TRABD2B: variants seen among roughly 807,000 people sequenced by gnomAD.
TRABD2B encodes the protein metalloprotease TIKI2.
Under a neutral mutation model 40.1 loss-of-function variants are expected in TRABD2B, and 14 were observed. The ratio of observed to expected loss-of-function variants is 0.35; its 90% confidence interval spans 0.23 to 0.55. TRABD2B has a LOEUF of 0.55. Among genes scored for constraint, TRABD2B ranks in the 20% least tolerant of loss-of-function variants. The probability of loss-of-function intolerance (pLI) is 0.90; values close to 1 mark genes in which losing one functional copy is unlikely to be tolerated. For synonymous variants in TRABD2B, 263 were observed against 277.0 expected, an observed-to-expected ratio of 0.95 and a Z score of 0.50; for missense variants, 541 against 648.6, an observed-to-expected ratio of 0.83 and a Z score of 1.80.
At chr1:47,785,833 C>A (rs1301719957) in intron 4 of TRABD2B, among the ~76,000 whole-genome samples, 1 of 152,236 alleles carries the variant, frequency 6.6e-6, no homozygotes, top group Non-Finnish European at 1.5e-5. Flanking sequence ...CCCCAGGACT[C>A]CTGGGAGCTC....
At chr1:47,968,902 A>T (rs528338712) in intron 2 of TRABD2B, among the ~76,000 whole-genome samples, 1 of 152,206 alleles carries the variant, frequency 6.6e-6, no homozygotes, top group Non-Finnish European at 1.5e-5. Context: ...ACTCCCTGAC[A>T]GTAGAGTAGG....
intron 5 of TRABD2B, among the ~76,000 whole-genome samples, chr1:47,776,401 T>C (rs1349187738): frequency 6.6e-6 from 1 of 152,102 alleles, no homozygotes; most frequent in Non-Finnish European, 1.5e-5. Flanking sequence ...CTTCATGGGG[T>C]TGTCATGAGG....
intron 2 of TRABD2B, among the ~76,000 whole-genome samples, chr1:47,801,847 C>T (rs1644828461): frequency 6.6e-6 from 1 of 152,204 alleles, no homozygotes; most frequent in Non-Finnish European, 1.5e-5. Flanking sequence ...CCACACAGGT[C>T]CCCATTCCTG....
At chr1:47,821,469 T>C (rs1029050110) in intron 2 of TRABD2B, among the ~76,000 whole-genome samples, 3 of 152,194 alleles carry the variant, frequency 2.0e-5, no homozygotes, top group Non-Finnish European at 2.9e-5. Context: ...CAGAAATGAA[T>C]AGCCCCAAAT....
intron 2 of TRABD2B, among the ~76,000 whole-genome samples, chr1:47,837,972 G>A (rs1292727666): frequency 1.3e-5 from 2 of 152,214 alleles, no homozygotes; most frequent in Non-Finnish European, 1.5e-5. Context: ...GGGGATTCAA[G>A]TAATCTCAGG....
intron 2 of TRABD2B, among the ~76,000 whole-genome samples, chr1:47,810,056 A>G (rs2124339899): frequency 6.6e-6 from 1 of 152,312 alleles, no homozygotes; most frequent in Admixed American, 6.5e-5. Flanking sequence ...AAAGCTGACC[A>G]TAAAGAAACA....
chr1:47,941,455 T>C lies in TRABD2B; in HGVS notation c.666+52579A>G, dbSNP rs189191385. ...ACACATACTTGCACACACAAACACATAGATGTGTGCCCACTTACCCACAAA... is the reference window on the plus strand; with the variant it reads ...ACACATACTTGCACACACAAACACACAGATGTGTGCCCACTTACCCACAAA... On this transcript the variant is annotated intron_variant, in intron 2 of 6. Coordinates refer to ENST00000606738, the MANE Select transcript of TRABD2B (RefSeq NM_001194986.2). Among the ~76,000 whole-genome samples, 131 of 152,228 alleles carry C rather than the reference T, an allele frequency of 8.6e-4. 2 individuals are homozygous for C. Among genetic ancestry groups the C allele is most frequent in the African/African-American group, 2.4e-3 (98 of 41,516 alleles).
chr1:47,828,334 C>A (rs185645044), intron 2 of TRABD2B, among the ~76,000 whole-genome samples: 1 of 152,146 alleles, frequency 6.6e-6, no homozygotes, highest in African/African-American at 2.4e-5. Flanking sequence ...AAATCCCCCA[C>A]CAAGTCCCTG....
intron 2 of TRABD2B, among the ~76,000 whole-genome samples, chr1:47,881,006 C>T (rs1267499681): frequency 1.3e-5 from 2 of 152,160 alleles, no homozygotes; most frequent in African/African-American, 2.4e-5. Context: ...AATTCAGGCT[C>T]GAGCTTAGAT....
intron 2 of TRABD2B, among the ~76,000 whole-genome samples, chr1:47,916,286 T>G (rs1193179919): frequency 6.6e-6 from 1 of 152,154 alleles, no homozygotes; most frequent in Non-Finnish European, 1.5e-5. Flanking sequence ...GGTTCATCCA[T>G]TCATTCAACA....
In TRABD2B at chr1:47,838,012, T is replaced by C. The variant is rs115620391; in HGVS notation, c.667-36393A>G. On this transcript the variant is annotated intron_variant, in intron 2 of 6. Coordinates refer to ENST00000606738, the MANE Select transcript of TRABD2B (RefSeq NM_001194986.2). ...AGTCCAGCCCTTAACCAGAATCCCATGTAACCTTTCAAGGCTGGACACCTG... is the reference window on the plus strand; with the variant it reads ...AGTCCAGCCCTTAACCAGAATCCCACGTAACCTTTCAAGGCTGGACACCTG... 9.0e-3 allele frequency among the ~76,000 whole-genome samples: 1,373 copies of C among 152,320 alleles called. 9 individuals are homozygous for C. Among genetic ancestry groups the C allele is most frequent in the Non-Finnish European group, 0.015 (1,003 of 68,026 alleles).
Position 47,996,921 on chromosome 1 carries a change from G to T in TRABD2B, c.-132C>A. 8 of 1,123,048 alleles carry T rather than the reference G, an allele frequency of 7.1e-6. No individual in the cohort carries two copies. Among genetic ancestry groups the T allele is most frequent in the Non-Finnish European group, 8.7e-6 (8 of 919,258 alleles). 69.6% of individuals were successfully genotyped at this position (1,123,048 alleles called of 1,614,324 possible). A position where few individuals can be genotyped will look rare whatever the true frequency, so the allele number is the denominator to read the frequency against. On this transcript the variant is annotated 5_prime_UTR_variant, in exon 1 of 7. Transcript: ENST00000606738. This position sits in a 1 kb window ranked among gnomAD's most constrained non-coding sequence, Gnocchi z 4.6. Reference sequence around the variant, plus strand: ...GCCGCAGGATGCTGGGCGCCCTCTGGGGCGTGGCTGACTGTCCCTGTCGGA... The same window carrying T: ...GCCGCAGGATGCTGGGCGCCCTCTGTGGCGTGGCTGACTGTCCCTGTCGGA...
chr1:47,783,908 G>A (rs1265713082), intron 4 of TRABD2B, among the ~76,000 whole-genome samples: 1 of 152,170 alleles, frequency 6.6e-6, no homozygotes, highest in Non-Finnish European at 1.5e-5. Flanking sequence ...AATTAACCAT[G>A]TCACCTTGGG....
In TRABD2B at chr1:47,794,725, G is replaced by T; in HGVS notation, c.849C>A (p.His283Gln). The change falls in exon 4 of 7, where the codon CAC becomes CAA. Residue 283 changes from histidine to glutamine, a missense_variant. Transcript: ENST00000606738. ...CAATCTCCTGGGCCGTCACCTGCTC[G>T]TGTGGCGGGAGGGTGGTGTTGATAA... ...PNFINTTLPP[H>Q]EQVTAQEIDS... 6.5e-7 allele frequency: 1 copy of T among 1,535,424 alleles called. No homozygotes were observed. The highest frequency in any genetic ancestry group is 2.4e-5 in the East Asian group (1 of 40,828).
intron 2 of TRABD2B, among the ~76,000 whole-genome samples, chr1:47,989,017 T>C (rs1645962321): frequency 6.6e-6 from 1 of 152,208 alleles, no homozygotes; most frequent in South Asian, 2.1e-4. Context: ...CACTCACGAA[T>C]GGGATAAGGA....
intron 2 of TRABD2B, among the ~76,000 whole-genome samples, chr1:47,959,794 C>A (rs989763826): frequency 6.6e-6 from 1 of 152,146 alleles, no homozygotes; most frequent in African/African-American, 2.4e-5. Context: ...CAAAGAGGAG[C>A]TGGTACCATT....
chr1:47,812,748 G>C (rs1165039756), intron 2 of TRABD2B, among the ~76,000 whole-genome samples: 4 of 152,150 alleles, frequency 2.6e-5, no homozygotes, highest in African/African-American at 9.7e-5. Context: ...GAAAGAAAAA[G>C]AAAGTGTTAA....
chr1:47,855,949 T>C (rs1417963647), intron 2 of TRABD2B, among the ~76,000 whole-genome samples: 1 of 152,250 alleles, frequency 6.6e-6, no homozygotes, highest in East Asian at 1.9e-4. Flanking sequence ...TATTATGTTA[T>C]AGCAGCCTTA....
chr1:47,817,570 G>A (rs982367392), intron 2 of TRABD2B, among the ~76,000 whole-genome samples: 2 of 152,084 alleles, frequency 1.3e-5, no homozygotes, highest in African/African-American at 4.8e-5. Context: ...ATGCCCTCTC[G>A]GGGCACGGAT....
Sources: allele counts gnomAD v4.1 joint callset (sites outside exome capture counted in the v4.1 genomes callset), GRCh38; gene constraint gnomAD v4.1.1; non-coding constraint Gnocchi (gnomAD v3.1); transcripts MANE v1.5; gene names NCBI Gene and HGNC (gene_info 2026-07-23, HGNC 2026-07-21).